TMPRSS3: variants seen among roughly 807,000 people sequenced by gnomAD.
TMPRSS3 encodes the protein transmembrane protease serine 3.
Under a neutral mutation model 59.6 loss-of-function variants are expected in TMPRSS3, and 55 were observed. The observed-to-expected ratio is 0.92, with a 90% confidence interval of 0.74 to 1.16. The LOEUF is 1.16. TMPRSS3 is among the 50% of genes most tolerant of loss of function. The probability of loss-of-function intolerance (pLI) is 0.00; values close to 1 mark genes in which losing one functional copy is unlikely to be tolerated. For missense variants in TMPRSS3, 596 were observed against 579.4 expected, an observed-to-expected ratio of 1.03 and a Z score of -0.29; for synonymous variants, 257 against 237.7, an observed-to-expected ratio of 1.08 and a Z score of -0.75.
intron 2 of TMPRSS3, among the ~76,000 whole-genome samples, chr21:42,391,657 C>T (rs2052736866): frequency 6.6e-6 from 1 of 152,224 alleles, no homozygotes. Flanking sequence ...GCTCCACATG[C>T]CTCTGTGGGA....
intron 2 of TMPRSS3, among the ~76,000 whole-genome samples, chr21:42,391,081 C>T (rs1043313011): frequency 6.6e-6 from 1 of 152,218 alleles, no homozygotes; most frequent in Non-Finnish European, 1.5e-5. Context: ...GGGGAAGTAG[C>T]ATCCCAACTT....
chr21:42,376,758 C>CA, intron 10 of TMPRSS3, 75 bp from the exon 11 acceptor site: 1 of 1,607,800 alleles, frequency 6.2e-7, no homozygotes, highest in Non-Finnish European at 8.5e-7. Flanking sequence ...ATGCTGAGAC[C>CA]AGGGGGGTGA....
chr21:42,393,123 A>G (rs2052754602), intron 2 of TMPRSS3, among the ~76,000 whole-genome samples: 1 of 152,226 alleles, frequency 6.6e-6, no homozygotes, highest in Non-Finnish European at 1.5e-5. Context: ...ATGTGCCTGT[A>G]ATTCCAGCAA....
intron 12 of TMPRSS3, among the ~76,000 whole-genome samples, 194 bp downstream of exon 12, chr21:42,375,522 G>A (rs1219600500): frequency 6.6e-6 from 1 of 152,016 alleles, no homozygotes; most frequent in Non-Finnish European, 1.5e-5. Flanking sequence ...CACCCACCCA[G>A]AGCTGCCCAG....
At chr21:42,387,197 ACAGAGCAGAGAGGCCTTGGGGTTTGCT>A (rs1327280710) in intron 5 of TMPRSS3, among the ~76,000 whole-genome samples, 1 of 152,102 alleles carries the variant, frequency 6.6e-6, no homozygotes, top group Non-Finnish European at 1.5e-5. Context: ...TTTCTGCATA[ACAGAGCAGAGAGGCCTTGGGGTTTGCT>A]CAGACAGAGC....
intron 1 of TMPRSS3, 123 bp from the exon 2 acceptor site, chr21:42,395,591 T>C: frequency 1.5e-6 from 1 of 667,928 alleles, no homozygotes; most frequent in Non-Finnish European, 2.7e-6. Flanking sequence ...TCAGTATCGA[T>C]TAACCAAAAA....
Position 42,395,939 on chromosome 21 carries a change from C to A in TMPRSS3, c.-52+3G>T, listed in dbSNP as rs745307104. On this transcript the variant is annotated splice_donor_region_variant and intron_variant, in intron 1 of 12. Coordinates refer to ENST00000644384, the MANE Select transcript of TMPRSS3 (RefSeq NM_001256317.3). Reference sequence around the variant, plus strand: ...CATAAGCATAAGTAGTTTCGGTACTCACATAATTCCCGAGTCCCAAAAATG... The same window carrying A: ...CATAAGCATAAGTAGTTTCGGTACTAACATAATTCCCGAGTCCCAAAAATG... 9.6e-6 allele frequency: 5 copies of A among 518,936 alleles called. No homozygotes were observed. The highest frequency in any genetic ancestry group is 1.2e-5 in the Non-Finnish European group (3 of 259,834). 32.1% of individuals were successfully genotyped at this position (518,936 alleles called of 1,614,324 possible).
In TMPRSS3 at chr21:42,381,831, A is replaced by C. The variant is rs2052534157; in HGVS notation, c.952+234T>G. 5 of 663,034 alleles carry C rather than the reference A, an allele frequency of 7.5e-6. No homozygotes were observed. The South Asian group carries it at 8.4e-5, about 11-fold the overall frequency. The allele number at this position is 663,034 out of a possible 1,614,324, so 41.1% of individuals were successfully genotyped here. Reference sequence around the variant, plus strand: ...ACTCAAGTCTGCAAACATGAGAGCCACATTGTCCAGGATACAATTGAAAAT... The same window carrying C: ...ACTCAAGTCTGCAAACATGAGAGCCCCATTGTCCAGGATACAATTGAAAAT... On this transcript the variant is annotated intron_variant, in intron 9 of 12. Transcript: ENST00000644384.
rs751156824 is a variant in TMPRSS3, at chr21:42,395,246, C to T, written c.94+78G>A. On this transcript the variant is annotated intron_variant, in intron 2 of 12. Coordinates refer to ENST00000644384, the MANE Select transcript of TMPRSS3 (RefSeq NM_001256317.3). Reference sequence around the variant, plus strand: ...AATGGCTGGGGAGATATTTCCCCCACAGGGACAGTCAGTCACATTGGTCAC... The same window carrying T: ...AATGGCTGGGGAGATATTTCCCCCATAGGGACAGTCAGTCACATTGGTCAC... 4.8e-6 allele frequency: 6 copies of T among 1,245,840 alleles called. No homozygotes were observed. The Admixed American group carries it at 5.4e-5, about 11-fold the overall frequency. The allele number at this position is 1,245,840 out of a possible 1,614,324, so 77.2% of individuals were successfully genotyped here.
intron 6 of TMPRSS3, among the ~76,000 whole-genome samples, chr21:42,384,391 C>G (rs2146439251): frequency 6.6e-6 from 1 of 152,300 alleles, no homozygotes; most frequent in East Asian, 1.9e-4. Flanking sequence ...GCCCAAGGGA[C>G]AGCGTGGCAA....
intron 2 of TMPRSS3, among the ~76,000 whole-genome samples, chr21:42,394,505 C>T (rs2052776145): frequency 6.6e-6 from 1 of 152,090 alleles, no homozygotes; most frequent in Non-Finnish European, 1.5e-5. Flanking sequence ...CTTTCATTGA[C>T]ACTTAGCTAA....
intron 5 of TMPRSS3, among the ~76,000 whole-genome samples, chr21:42,386,777 G>GTTATTTAT (rs200754702): frequency 5.5e-4 from 38 of 69,612 alleles, no homozygotes; most frequent in Admixed American, 1.6e-3. Flanking sequence ...CCGTCCTTTG[G>GTTATTTAT]TTATTTATTT....
intron 2 of TMPRSS3, among the ~76,000 whole-genome samples, chr21:42,394,479 T>G (rs1357408721): frequency 1.3e-5 from 2 of 152,220 alleles, no homozygotes; most frequent in Non-Finnish European, 2.9e-5. Context: ...GTCAGGTGAT[T>G]GCAAGATTTT....
chr21:42,375,565 G>C, intron 12 of TMPRSS3, 151 bp downstream of exon 12: 2 of 988,342 alleles, frequency 2.0e-6, no homozygotes, highest in East Asian at 5.0e-5. Flanking sequence ...CAGCACAAGC[G>C]TCTGACACCC....
Position 42,382,987 on chromosome 21 carries a change from A to T in TMPRSS3, c.782+46T>A, listed in dbSNP as rs369196318. ...CCCAAAGCAGCCCCACCCTGACATGACCCAGGAGTGAACAGGGGTCTGGGA... is the reference window on the plus strand; with the variant it reads ...CCCAAAGCAGCCCCACCCTGACATGTCCCAGGAGTGAACAGGGGTCTGGGA... On this transcript the variant is annotated intron_variant, in intron 8 of 12. Coordinates refer to ENST00000644384, the MANE Select transcript of TMPRSS3 (RefSeq NM_001256317.3). The T allele has an allele frequency of 1.4e-5, 23 of 1,611,488 alleles. No homozygotes were observed. In the Middle Eastern group the frequency reaches 1.2e-3, roughly 81 times the overall value.
Position 42,383,189 on chromosome 21 carries a change from T to C in TMPRSS3, c.626A>G (p.His209Arg). The change falls in exon 8 of 13, where the codon CAT becomes CGT. Residue 209 changes from histidine to arginine, a missense_variant. Coordinates refer to ENST00000644384, the MANE Select transcript of TMPRSS3 (RefSeq NM_001256317.3). ...GATGCGTGAGCTGTAGCCCCTTCTA[T>C]GACCACAGGCTATGGAGGGGAACAA... ...VVTLQCTACG[H>R]RRGYSSRIVG... 6.2e-7 allele frequency: 1 copy of C among 1,612,482 alleles called. No homozygotes were observed. The highest frequency in any genetic ancestry group is 8.5e-7 in the Non-Finnish European group (1 of 1,179,762).
intron 2 of TMPRSS3, among the ~76,000 whole-genome samples, chr21:42,394,781 T>G (rs1358656421): frequency 6.6e-6 from 1 of 152,204 alleles, no homozygotes; most frequent in East Asian, 1.9e-4. Flanking sequence ...GTCCTGACTA[T>G]CTCTGGTCAA....
rs1468358266 is a variant in TMPRSS3, at chr21:42,372,078, G to A, written c.*684C>T. 4.4e-6 allele frequency: 2 copies of A among 454,238 alleles called. No homozygotes were observed. Among genetic ancestry groups the A allele is most frequent in the African/African-American group, 2.0e-5 (1 of 50,018 alleles). 28.1% of individuals were successfully genotyped at this position (454,238 alleles called of 1,614,324 possible). ...GTCCCTAGAGATGAAAACGTGCAGT[G>A]ACTGCAGTTCTGCACTTCTGGGCTG... On this transcript the variant is annotated 3_prime_UTR_variant, in exon 13 of 13. Coordinates refer to ENST00000644384, the MANE Select transcript of TMPRSS3 (RefSeq NM_001256317.3).
At chr21:42,390,299 C>G (rs567156099) in intron 2 of TMPRSS3, 3 of 466,484 alleles carry the variant, frequency 6.4e-6, no homozygotes, top group African/African-American at 5.9e-5. Flanking sequence ...CAGAAAGACA[C>G]GTTGAGGTCT....
Sources: allele counts gnomAD v4.1 joint callset (sites outside exome capture counted in the v4.1 genomes callset), GRCh38; gene constraint gnomAD v4.1.1; transcripts MANE v1.5; gene names NCBI Gene and HGNC (gene_info 2026-07-23, HGNC 2026-07-21).